UHRF2: variants seen among roughly 807,000 people sequenced by gnomAD.
UHRF2 encodes ubiquitin like with PHD and ring finger domains 2, also known as E3 ubiquitin-protein ligase UHRF2.
UHRF2 carries 23 observed loss-of-function variants against 96.8 expected under a neutral mutation model. The observed-to-expected ratio is 0.24, with a 90% CI of 0.17 to 0.34. The LOEUF is 0.34. Ranked by LOEUF, UHRF2 falls within the 10% of genes least tolerant of loss-of-function variation. UHRF2 has a pLI of 1.00. For synonymous variants in UHRF2, 385 were observed against 332.6 expected, an observed-to-expected ratio of 1.16 and a Z score of -1.72; for missense variants, 685 against 981.5, an observed-to-expected ratio of 0.70 and a Z score of 4.04.
At chr9:6,431,353 A>G (rs1820552658) in intron 2 of UHRF2, among the ~76,000 whole-genome samples, 1 of 152,110 alleles carries the variant, frequency 6.6e-6, no homozygotes. Context: ...TGTGCATGTA[A>G]TCTCAGCACT....
intron 2 of UHRF2, among the ~76,000 whole-genome samples, chr9:6,433,241 C>G (rs901110873): frequency 6.6e-6 from 1 of 152,170 alleles, no homozygotes; most frequent in Admixed American, 6.5e-5. Context: ...TTCCTTTTGT[C>G]AGATTGCATG....
At chr9:6,441,724 GT>G (rs1212510891) in intron 3 of UHRF2, among the ~76,000 whole-genome samples, 1 of 151,242 alleles carries the variant, frequency 6.6e-6, no homozygotes, top group Non-Finnish European at 1.5e-5. Flanking sequence ...TGTCTAGGTG[GT>G]TTGTGGCCGG....
In UHRF2 at chr9:6,460,866, G is replaced by A. The variant is rs1447269123; in HGVS notation, c.863+75G>A. The A allele has an allele frequency of 5.9e-6, 7 of 1,182,842 alleles. No individual in the cohort carries two copies. In the Admixed American group the frequency reaches 2.0e-4, roughly 34 times the overall value. The allele number at this position is 1,182,842 out of a possible 1,614,324, so 73.3% of individuals were successfully genotyped here. On this transcript the variant is annotated intron_variant, in intron 4 of 15. Coordinates refer to ENST00000276893, the MANE Select transcript of UHRF2 (RefSeq NM_152896.3). ...ATGTATTTTTAGGTATTAAGCACGT[G>A]TACCTTAGTAAAAAAAGATGGAGTC...
intron 1 of UHRF2, chr9:6,415,042 C>T (rs1819511077): frequency 1.3e-5 from 2 of 152,102 alleles, no homozygotes; most frequent in African/African-American, 4.8e-5. Flanking sequence ...AGCATGTAAT[C>T]GTTTGATGCA....
At chr9:6,421,298 A>T in intron 2 of UHRF2, among the ~76,000 whole-genome samples, 156 bp downstream of exon 2, 1 of 152,272 alleles carries the variant, frequency 6.6e-6, no homozygotes, top group Non-Finnish European at 1.5e-5. Flanking sequence ...AAAAATTGAT[A>T]TGAAATACGT....
chr9:6,491,304 C>T (rs1312904487), intron 9 of UHRF2, among the ~76,000 whole-genome samples: 1 of 152,178 alleles, frequency 6.6e-6, no homozygotes, highest in African/African-American at 2.4e-5. Flanking sequence ...TGAACCTCTG[C>T]CACATCTGTA....
chr9:6,468,798 G>C (rs1353658814), intron 4 of UHRF2: 1 of 411,468 alleles, frequency 2.4e-6, no homozygotes, highest in Non-Finnish European at 4.9e-6. Context: ...AGGTCTTTTA[G>C]TTTGAAAAGT....
chr9:6,492,355 A>G, intron 9 of UHRF2: 1 of 1,222,652 alleles, frequency 8.2e-7, no homozygotes, highest in South Asian at 1.4e-5. Flanking sequence ...TACCGGGTGG[A>G]AGACTGGTTT....
At chr9:6,426,283 A>G (rs982373290) in intron 2 of UHRF2, among the ~76,000 whole-genome samples, 40 of 152,146 alleles carry the variant, frequency 2.6e-4, no homozygotes, top group African/African-American at 8.2e-4. Flanking sequence ...TCCTATTACT[A>G]TGTGGTATAG....
At chr9:6,452,805 C>T (rs995218047) in intron 3 of UHRF2, among the ~76,000 whole-genome samples, 1 of 152,098 alleles carries the variant, frequency 6.6e-6, no homozygotes, top group Non-Finnish European at 1.5e-5. Context: ...TGGGACATTT[C>T]AGTTTGGGGT....
At chr9:6,487,153 A>C (rs1323579308) in intron 9 of UHRF2, among the ~76,000 whole-genome samples, 1 of 135,948 alleles carries the variant, frequency 7.4e-6, no homozygotes, top group Non-Finnish European at 1.6e-5. Flanking sequence ...AGGAAAACAC[A>C]TTCTCTATAG....
chr9:6,504,831 G>A lies in UHRF2; in HGVS notation c.2262+140G>A, dbSNP rs777260246. 88 of 550,726 alleles carry A rather than the reference G, an allele frequency of 1.6e-4. 1 individual carries two copies. Among genetic ancestry groups the A allele is most frequent in the Admixed American group, 7.2e-5 (2 of 27,832 alleles). 34.1% of individuals were successfully genotyped at this position (550,726 alleles called of 1,614,324 possible). The stretch of plus-strand genomic sequence containing the variant: ...TTCTAGTTAAGAAGCATTTAGTTAC[G>A]TCTTGGTGGTAAATGCATGTTTTAA... On this transcript the variant is annotated intron_variant, in intron 15 of 15. Transcript: ENST00000276893.
rs1306425224 is a variant in UHRF2, at chr9:6,481,784, CTT to C, written c.1284+21_1284+22del. On this transcript the variant is annotated intron_variant, in intron 7 of 15. Coordinates refer to ENST00000276893, the MANE Select transcript of UHRF2 (RefSeq NM_152896.3). ...GGGGCAGGGTAAAGAAGAAATTCCC[CTT>C]TTCTTCCTAATAGCAAGTTATAATA... 3 of 1,599,720 alleles carry C rather than the reference CTT, an allele frequency of 1.9e-6. No individual in the cohort carries two copies. In the Admixed American group the frequency reaches 5.5e-5, roughly 29 times the overall value.
chr9:6,437,878 G>A (rs1820943252), intron 3 of UHRF2, among the ~76,000 whole-genome samples: 1 of 152,010 alleles, frequency 6.6e-6, no homozygotes, highest in Admixed American at 6.6e-5. Context: ...CTCCCAGAGT[G>A]CGAGATTACA....
chr9:6,445,857 C>G (rs1270770022), intron 3 of UHRF2, among the ~76,000 whole-genome samples: 2 of 152,078 alleles, frequency 1.3e-5, no homozygotes, highest in Non-Finnish European at 2.9e-5. Context: ...AGCCACTGGT[C>G]CTAGCTCTTT....
At chr9:6,457,557 G>C (rs1183453220) in intron 3 of UHRF2, among the ~76,000 whole-genome samples, 9 of 152,168 alleles carry the variant, frequency 5.9e-5, no homozygotes, top group Admixed American at 4.6e-4. Flanking sequence ...AACAGGAATG[G>C]TGAGAGAGGC....
At chr9:6,444,092 A>G (rs1221032266) in intron 3 of UHRF2, among the ~76,000 whole-genome samples, 1 of 152,214 alleles carries the variant, frequency 6.6e-6, no homozygotes, top group Non-Finnish European at 1.5e-5. Flanking sequence ...TGTTTTTAAT[A>G]GTGTCAAATG....
chr9:6,438,390 C>G (rs1006396494), intron 3 of UHRF2, among the ~76,000 whole-genome samples: 2 of 152,234 alleles, frequency 1.3e-5, no homozygotes, highest in Non-Finnish European at 2.9e-5. Flanking sequence ...ATTTTTACCT[C>G]TAAGCCAGTG....
intron 4 of UHRF2, among the ~76,000 whole-genome samples, chr9:6,472,735 A>C (rs1166623255): frequency 6.6e-6 from 1 of 152,230 alleles, no homozygotes; most frequent in Non-Finnish European, 1.5e-5. Flanking sequence ...AATATGCAAA[A>C]AATTTAAAGT....
Sources: gnomAD v4.1 joint callset for allele counts (sites outside exome capture counted in the v4.1 genomes callset) on GRCh38, gnomAD v4.1.1 for gene constraint, MANE v1.5 for transcripts, NCBI Gene and HGNC (gene_info 2026-07-23, HGNC 2026-07-21) for gene names.